C1RL: variants seen among roughly 807,000 people sequenced by gnomAD.
The protein encoded by C1RL is complement C1r subcomponent like, also known as complement C1r subcomponent-like protein.
In C1RL, 27 loss-of-function variants were observed where a neutral mutation model predicts 27.9. The observed-to-expected ratio is 0.97, with a 90% CI of 0.71 to 1.33. The LOEUF (loss-of-function observed/expected upper bound fraction) is 1.33. Among genes scored for constraint, C1RL ranks in the 40% most tolerant of loss-of-function variants. C1RL has a pLI of 0.00. For missense variants in C1RL, 563 were observed against 623.9 expected, an observed-to-expected ratio of 0.90 and a Z score of 1.04; for synonymous variants, 248 against 252.1, an observed-to-expected ratio of 0.98 and a Z score of 0.15.
chr12:7,109,129 T>C lies in C1RL; in HGVS notation c.52A>G (p.Lys18Glu). ...ACTCACATTGCGCCTGGACAGCCTT[T>C]GGAGTGAGGGCTTCTCCAGAGATAT... ...GKYLWRSPHS[K>E]GCPGAMWWLL... Residue 18 changes from lysine (K) to glutamate (E), a missense_variant, in exon 1 of 6, where the codon AAA (lysine) becomes GAA (glutamate). Transcript: ENST00000266542. 6.3e-7 allele frequency: 1 copy of C among 1,597,084 alleles called. No homozygotes were observed. The highest frequency in any genetic ancestry group is 8.5e-7 in the Non-Finnish European group (1 of 1,171,166).
In C1RL at chr12:7,108,444, C is replaced by T. The variant is rs150463201; in HGVS notation, c.107G>A (p.Cys36Tyr). 2,037 of 1,610,530 alleles carry T rather than the reference C, an allele frequency of 1.3e-3. 12 individuals are homozygous for T. The African/African-American group carries it at 0.018, about 15-fold the overall frequency. The change falls in exon 2 of 6, where the codon TGC becomes TAC. Residue 36 changes from cysteine (C) to tyrosine (Y), a missense_variant. Coordinates refer to ENST00000266542, the MANE Select transcript of C1RL (RefSeq NM_016546.4). ...WLLLWGVLQA[C>Y]PTRGSVLLAQ... The stretch of plus-strand genomic sequence containing the variant: ...CAAGAGGACGGAGCCCCGGGTTGGG[C>T]AAGCCTGGAGGACTCCCCAGAGAAG...
rs1938415983 is a variant in C1RL, at chr12:7,096,127, C to T, written c.*264G>A. 1.6e-6 allele frequency: 2 copies of T among 1,245,640 alleles called. No individual in the cohort carries two copies. The highest frequency in any genetic ancestry group is 3.1e-5 in the African/African-American group (2 of 65,056). The allele number at this position is 1,245,640 out of a possible 1,614,324, so 77.2% of individuals were successfully genotyped here. A position where few individuals can be genotyped will look rare whatever the true frequency, so the allele number is the denominator to read the frequency against. ...AAAGTTGTTGAGATGTACAGGCTTC[C>T]CGGGGCCTAGTGCATGAGCACAGGG... On this transcript the variant is annotated 3_prime_UTR_variant, in exon 6 of 6. Transcript: ENST00000266542.
At chr12:7,097,283 G>GT (rs34071292) in intron 5 of C1RL, 120 bp from the exon 6 acceptor site, 18,965 of 606,248 alleles carry the variant, frequency 0.031, 1 homozygote, top group Non-Finnish European at 0.037. Context: ...GGATCAGGAC[G>GT]TTTTTTTTTT....
intron 5 of C1RL, chr12:7,098,193 C>G (rs1032919805): frequency 2.0e-5 from 3 of 152,238 alleles, no homozygotes; most frequent in Non-Finnish European, 4.4e-5. Context: ...ATGGCTTGAA[C>G]CCGGGAGGCG....
chr12:7,097,770 C>G (rs1226648295), intron 5 of C1RL, among the ~76,000 whole-genome samples: 1 of 152,160 alleles, frequency 6.6e-6, no homozygotes, highest in Non-Finnish European at 1.5e-5. Context: ...CCTGCCTCCT[C>G]AGAGGCATTA....
At chr12:7,099,164 G>T (rs2135754992) in intron 5 of C1RL, among the ~76,000 whole-genome samples, 1 of 140,132 alleles carries the variant, frequency 7.1e-6, no homozygotes, top group African/African-American at 2.7e-5. Context: ...GATGGAGGTT[G>T]CAGTGAACCA....
Position 7,099,716 on chromosome 12 carries a change from C to T in C1RL, c.661G>A (p.Asp221Asn), listed in dbSNP as rs1565636073. The T allele has an allele frequency of 2.6e-6, 4 of 1,560,534 alleles. No individual in the cohort carries two copies. The highest frequency in any genetic ancestry group is 3.5e-6 in the Non-Finnish European group (4 of 1,151,572). ...ATPGTWKDRQ[D>N]GEEVLQCMPV... ...ATACACTGAAGAACCTCCTCCCCAT[C>T]CTGTCTGTCTTTCCAGGTCCCTGGG... The change falls in exon 5 of 6, where the codon GAT becomes AAT. Residue 221 changes from aspartate to asparagine, a missense_variant. Asp to Asn is a conservative substitution (Grantham distance 23, BLOSUM62 1). Transcript: ENST00000266542.
At chr12:7,097,561 C>T (rs1938488199) in intron 5 of C1RL, among the ~76,000 whole-genome samples, 1 of 152,094 alleles carries the variant, frequency 6.6e-6, no homozygotes, top group African/African-American at 2.4e-5. Context: ...GGATTACAGG[C>T]GTGAGGCACC....
At chr12:7,105,154 A>G (rs1357448558) in intron 2 of C1RL, among the ~76,000 whole-genome samples, 1 of 152,154 alleles carries the variant, frequency 6.6e-6, no homozygotes, top group Non-Finnish European at 1.5e-5. Flanking sequence ...GACAGTTGGG[A>G]GGCCCCCAGT....
rs936049512 is a variant in C1RL at position 7,095,904 on chromosome 12, C to T, written c.*487G>A. On this transcript the variant is annotated 3_prime_UTR_variant, in exon 6 of 6. Coordinates refer to ENST00000266542, the MANE Select transcript of C1RL (RefSeq NM_016546.4). ...AAAAAAGGAGCTGTTTCTATAATTG[C>T]ATCTTGGAGCTGCAGAATAGCTTGA... 1 of 985,926 alleles carries T rather than the reference C, an allele frequency of 1.0e-6. No homozygotes were observed. Among genetic ancestry groups the T allele is most frequent in the Admixed American group, 6.1e-5 (1 of 16,294 alleles). 61.1% of individuals were successfully genotyped at this position (985,926 alleles called of 1,614,324 possible). A position where few individuals can be genotyped will look rare whatever the true frequency, so the allele number is the denominator to read the frequency against.
intron 5 of C1RL, among the ~76,000 whole-genome samples, chr12:7,099,041 C>CAA (rs35402492): frequency 3.9e-5 from 5 of 127,636 alleles, no homozygotes; most frequent in African/African-American, 1.4e-4. Context: ...ACTAAAAATA[C>CAA]AAAAAAAAAA....
chr12:7,099,742 G>C lies in C1RL; in HGVS notation c.635C>G (p.Thr212Ser). Residue 212 changes from threonine (T) to serine (S), a missense_variant, in exon 5 of 6, where the codon ACC (threonine) becomes AGC (serine). Coordinates refer to ENST00000266542, the MANE Select transcript of C1RL (RefSeq NM_016546.4). ...AAAAGALTCA[T>S]PGTWKDRQDG... ...CTGTCTGTCTTTCCAGGTCCCTGGG[G>C]TTGCACAGGTGAGTGCCCCTGTGGC... 6.3e-7 allele frequency: 1 copy of C among 1,575,756 alleles called. No homozygotes were observed. The highest frequency in any genetic ancestry group is 8.6e-7 in the Non-Finnish European group (1 of 1,160,428).
chr12:7,098,898 T>C (rs1938528573), intron 5 of C1RL, among the ~76,000 whole-genome samples: 1 of 152,062 alleles, frequency 6.6e-6, no homozygotes, highest in Non-Finnish European at 1.5e-5. Context: ...TGGATTGTAC[T>C]GTTTAAAGTG....
chr12:7,095,590 C>G lies in C1RL; in HGVS notation c.*801G>C. The G allele has an allele frequency of 3.0e-6, 3 of 985,712 alleles. No individual in the cohort carries two copies. Among genetic ancestry groups the G allele is most frequent in the Non-Finnish European group, 3.6e-6 (3 of 830,180 alleles). The allele number at this position is 985,712 out of a possible 1,614,324, so 61.1% of individuals were successfully genotyped here. A position where few individuals can be genotyped will look rare whatever the true frequency, so the allele number is the denominator to read the frequency against. ...AGTGTGAGCTAGAGGATACCATTTT[C>G]GCAGAAGCAGGAATTCCCAGGGAGG... On this transcript the variant is annotated 3_prime_UTR_variant, in exon 6 of 6. Coordinates refer to ENST00000266542, the MANE Select transcript of C1RL (RefSeq NM_016546.4).
Position 7,107,984 on chromosome 12 carries a change from T to G in C1RL, c.300+267A>C, listed in dbSNP as rs1938811443. 8 of 374,088 alleles carry G rather than the reference T, an allele frequency of 2.1e-5. No homozygotes were observed. The East Asian group carries it at 3.2e-4, about 15-fold the overall frequency. The allele number at this position is 374,088 out of a possible 1,614,324, so 23.2% of individuals were successfully genotyped here. A position where few individuals can be genotyped will look rare whatever the true frequency, so the allele number is the denominator to read the frequency against. On this transcript the variant is annotated intron_variant, in intron 2 of 5. Transcript: ENST00000266542. ...CCCTGGCTCCATAGATTTGCAAGATTTGTGTGTCCATTCATAAGCCTTCCA... is the reference window on the plus strand; with the variant it reads ...CCCTGGCTCCATAGATTTGCAAGATGTGTGTGTCCATTCATAAGCCTTCCA...
At chr12:7,099,601 G>C in intron 5 of C1RL, 85 bp downstream of exon 5, 1 of 1,514,856 alleles carries the variant, frequency 6.6e-7, no homozygotes, top group Non-Finnish European at 8.9e-7. Flanking sequence ...TCTATTCTAA[G>C]GCTTTCCTTT....
intron 2 of C1RL, among the ~76,000 whole-genome samples, chr12:7,105,082 G>T (rs142412058): frequency 6.6e-6 from 1 of 152,136 alleles, no homozygotes; most frequent in Non-Finnish European, 1.5e-5. Flanking sequence ...CCCTGAGCTG[G>T]AATCTGCAGG....
chr12:7,097,196 G>A, intron 5 of C1RL, 33 bp from the exon 6 acceptor site: 1 of 1,561,062 alleles, frequency 6.4e-7, no homozygotes. Flanking sequence ...GTGACAGTCA[G>A]CAGCTGCATC....
chr12:7,102,377 C>T (rs867124733), intron 2 of C1RL, among the ~76,000 whole-genome samples: 1 of 152,192 alleles, frequency 6.6e-6, no homozygotes, highest in African/African-American at 2.4e-5. Context: ...CTTGGGAACA[C>T]CAGGGTTCCC....
Sources: gnomAD v4.1 joint callset for allele counts (sites outside exome capture counted in the v4.1 genomes callset) on GRCh38, gnomAD v4.1.1 for gene constraint, MANE v1.5 for transcripts, NCBI Gene and HGNC (gene_info 2026-07-23, HGNC 2026-07-21) for gene names.